The following ZNF136 variants were observed in gnomAD, a reference collection of about 807,000 sequenced individuals.
ZNF136 encodes the protein zinc finger protein 136, also known as zinc finger protein 136 (clone pHZ-20).
In ZNF136, 8 loss-of-function variants were observed where a neutral mutation model predicts 11.4. That is an observed-to-expected ratio of 0.70 (90% CI 0.41 to 1.27). ZNF136 has a LOEUF of 1.27. Ranked by LOEUF, ZNF136 falls within the 50% of genes most tolerant of loss-of-function variation. The pLI is 0.01. For missense variants in ZNF136, 590 were observed against 656.5 expected (o/e 0.90, Z 1.11); for synonymous variants, 190 against 207.1 (o/e 0.92, Z 0.71).
chr19:12,167,782 C>T (rs1914517432), intron 1 of ZNF136, among the ~76,000 whole-genome samples: 1 of 152,192 alleles, frequency 6.6e-6, no homozygotes, highest in Non-Finnish European at 1.5e-5. Flanking sequence ...GTCTGCCCCT[C>T]AGAGACTTTC....
At position 12,186,160 on chromosome 19, in the gene ZNF136, A is replaced by C. The variant is rs1170698149; in HGVS notation, c.177A>C (p.Arg59=). ...ACATTAAAGATCACTACAAACACCG[A>C]GGGAGAAATCTAAGGTAATTTGTAC... ...DQNIKDHYKH[R]GRNLRSHMLE... is the part of the protein sequence containing the mutation. The change falls in exon 3 of 4, where the codon CGA becomes CGC. Residue 59 remains arginine, a synonymous_variant. Transcript: ENST00000343979. The C allele has an allele frequency of 3.7e-5, 60 of 1,610,196 alleles. No homozygotes were observed. The Admixed American group carries it at 1.0e-3, about 27-fold the overall frequency.
intron 1 of ZNF136, among the ~76,000 whole-genome samples, chr19:12,182,584 G>A (rs1171302595): frequency 1.3e-5 from 2 of 152,254 alleles, no homozygotes; most frequent in Non-Finnish European, 2.9e-5. Context: ...AGACATGTTA[G>A]TGGTCAGCTA....
At chr19:12,173,121 G>A (rs1914703060) in intron 1 of ZNF136, among the ~76,000 whole-genome samples, 6 of 152,138 alleles carry the variant, frequency 3.9e-5, no homozygotes, top group Admixed American at 3.3e-4. Context: ...GGGGAGCAAG[G>A]GAAAGAGAGG....
chr19:12,164,255 A>G (rs753092168), intron 1 of ZNF136, among the ~76,000 whole-genome samples: 1 of 152,016 alleles, frequency 6.6e-6, no homozygotes, highest in Admixed American at 6.6e-5. Flanking sequence ...AGATGCTGGT[A>G]TTGAGGATTG....
At chr19:12,170,886 A>G (rs1175710678) in intron 1 of ZNF136, among the ~76,000 whole-genome samples, 1 of 147,924 alleles carries the variant, frequency 6.8e-6, no homozygotes, top group African/African-American at 2.5e-5. Context: ...CCCAGTCTGG[A>G]GTGCAATGGC....
Position 12,186,720 on chromosome 19 carries a change from G to A in ZNF136, c.342G>A (p.Gln114=). The part of the protein sequence containing the change: ...SIVYGEVSMG[Q]SSLNRHIKDH... ...TATATGGAGAAGTCAGCATGGGTCA[G>A]TCATCCCTTAATAGACACATCAAAG... Residue 114 remains glutamine, a synonymous_variant, in exon 4 of 4, where the codon CAG becomes CAA. Transcript: ENST00000343979. 6.2e-7 allele frequency: 1 copy of A among 1,614,134 alleles called. No individual in the cohort carries two copies. The highest frequency in any genetic ancestry group is 8.5e-7 in the Non-Finnish European group (1 of 1,179,994).
At chr19:12,170,219 C>T (rs956813373) in intron 1 of ZNF136, among the ~76,000 whole-genome samples, 11 of 152,080 alleles carry the variant, frequency 7.2e-5, no homozygotes, top group Admixed American at 3.3e-4. Flanking sequence ...TGAGCCACCG[C>T]GCCCGGCCTT....
At chr19:12,184,890 C>T (rs532431615) in intron 1 of ZNF136, 5 of 152,314 alleles carry the variant, frequency 3.3e-5, no homozygotes, top group Non-Finnish European at 7.3e-5. Flanking sequence ...TTCCCCAAAT[C>T]CGTTTCCCAG....
intron 1 of ZNF136, chr19:12,185,473 T>A: frequency 4.6e-6 from 1 of 216,168 alleles, no homozygotes. Flanking sequence ...TTTTGCATAG[T>A]AGGTGGTAGG....
At chr19:12,181,719 C>T (rs1914947819) in intron 1 of ZNF136, among the ~76,000 whole-genome samples, 1 of 152,024 alleles carries the variant, frequency 6.6e-6, no homozygotes, top group Non-Finnish European at 1.5e-5. Context: ...ACTGCAAGCT[C>T]CGCCTCCCGG....
chr19:12,171,273 C>A (rs1451606486), intron 1 of ZNF136, among the ~76,000 whole-genome samples: 1 of 152,160 alleles, frequency 6.6e-6, no homozygotes, highest in Non-Finnish European at 1.5e-5. Flanking sequence ...GCCACCGCAC[C>A]TGGCTGCTTT....
At chr19:12,167,563 AAAAAG>A (rs1476697777) in intron 1 of ZNF136, among the ~76,000 whole-genome samples, 2 of 152,336 alleles carry the variant, frequency 1.3e-5, no homozygotes, top group East Asian at 3.9e-4. Flanking sequence ...TTGTCTCAAA[AAAAAG>A]AAAAGATAAG....
chr19:12,168,701 G>A (rs1361509627), intron 1 of ZNF136, among the ~76,000 whole-genome samples: 1 of 151,400 alleles, frequency 6.6e-6, no homozygotes, highest in Non-Finnish European at 1.5e-5. Context: ...TTGAGATGGA[G>A]TTTCACTCTT....
chr19:12,172,638 G>C (rs1407382572), intron 1 of ZNF136, among the ~76,000 whole-genome samples: 1 of 152,194 alleles, frequency 6.6e-6, no homozygotes, highest in African/African-American at 2.4e-5. Context: ...ATAGTAGTCA[G>C]GTGTGTCAGT....
intron 1 of ZNF136, chr19:12,184,645 A>G (rs1376830713): frequency 6.6e-6 from 1 of 152,082 alleles, no homozygotes; most frequent in East Asian, 1.9e-4. Context: ...ACAAGCTTGC[A>G]AGTATTCTCT....
Position 12,187,064 on chromosome 19 carries a change from GT to G in ZNF136, c.687del (p.Cys229TrpfsTer15). The part of the protein sequence containing the change: ...TGEKPYECQE[C>X]GKAFTCITSV... ...GAGAAACCCTATGAATGTCAGGAAT[GT>G]GGAAAAGCCTTCACTTGTATCACAA... On this transcript the variant is annotated frameshift_variant, in exon 4 of 4. Transcript: ENST00000343979. LOFTEE classifies it low-confidence loss of function (END_TRUNC). The G allele has an allele frequency of 6.2e-7, 1 of 1,614,152 alleles. No individual in the cohort carries two copies. The highest frequency in any genetic ancestry group is 8.5e-7 in the Non-Finnish European group (1 of 1,180,018).
chr19:12,186,326 G>C, intron 3 of ZNF136, 152 bp downstream of exon 3: 1 of 909,854 alleles, frequency 1.1e-6, no homozygotes, highest in South Asian at 1.9e-5. Context: ...AGTGTAAACA[G>C]ATGTTCAGTT....
intron 1 of ZNF136, among the ~76,000 whole-genome samples, chr19:12,182,304 C>T (rs921530792): frequency 6.6e-6 from 1 of 151,996 alleles, no homozygotes; most frequent in Non-Finnish European, 1.5e-5. Flanking sequence ...CATTGAGGTT[C>T]CCCTTTGGAA....
chr19:12,184,573 A>AT (rs1491409156), intron 1 of ZNF136: 7 of 151,402 alleles, frequency 4.6e-5, no homozygotes, highest in Non-Finnish European at 1.0e-4. Flanking sequence ...AAAAAAAAAA[A>AT]GGTAAAAAAT....
Sources: gnomAD v4.1 joint callset for allele counts (sites outside exome capture counted in the v4.1 genomes callset) on GRCh38, gnomAD v4.1.1 for gene constraint, MANE v1.5 for transcripts, NCBI Gene and HGNC (gene_info 2026-07-23, HGNC 2026-07-21) for gene names.